IFT56: variants seen among roughly 807,000 people sequenced by gnomAD.
IFT56 encodes the protein intraflagellar transport protein 56.
the IFT56 span, among the ~76,000 whole-genome samples, chr7:139,142,706 C>G: frequency 4.6e-5 from 7 of 152,238 alleles, no homozygotes; most frequent in African/African-American, 1.7e-4. Flanking sequence ...GTGGCACACC[C>G]CTTTAATCCC....
the IFT56 span, chr7:139,142,454 G>A: frequency 2.8e-6 from 2 of 707,686 alleles, no homozygotes; most frequent in African/African-American, 3.6e-5. Flanking sequence ...TAATTGTATA[G>A]GATTTTCTCC....
the IFT56 span, among the ~76,000 whole-genome samples, chr7:139,160,108 G>T: frequency 1.1e-4 from 17 of 152,176 alleles, no homozygotes; most frequent in African/African-American, 4.1e-4. Context: ...GACAAGAGAA[G>T]AGTGATAAAA....
chr7:139,139,720 G>A, the IFT56 span, among the ~76,000 whole-genome samples: 1 of 152,178 alleles, frequency 6.6e-6, no homozygotes, highest in South Asian at 2.1e-4. Flanking sequence ...GTAGGACTGA[G>A]CTTTAGCTTC....
the IFT56 span, chr7:139,181,004 C>G: frequency 8.5e-5 from 69 of 807,412 alleles, no homozygotes; most frequent in African/African-American, 1.4e-4. Flanking sequence ...GAATATAGAA[C>G]CAAATCCATA....
chr7:139,159,988 C>T, the IFT56 span, among the ~76,000 whole-genome samples: 1 of 151,884 alleles, frequency 6.6e-6, no homozygotes, highest in African/African-American at 2.4e-5. Flanking sequence ...CCCGCATAAA[C>T]AAAAATTATT....
chr7:139,160,085 GA>G, the IFT56 span, among the ~76,000 whole-genome samples: 1 of 152,064 alleles, frequency 6.6e-6, no homozygotes, highest in Admixed American at 6.6e-5. Context: ...CAAAATTTTG[GA>G]ATTGTACTGT....
chr7:139,186,357 T>A, the IFT56 span, among the ~76,000 whole-genome samples: 1 of 151,788 alleles, frequency 6.6e-6, no homozygotes, highest in Non-Finnish European at 1.5e-5. Context: ...GCCCAGGAAT[T>A]TGAGGTCACA....
the IFT56 span, among the ~76,000 whole-genome samples, chr7:139,157,586 C>A: frequency 1.3e-5 from 2 of 149,110 alleles, no homozygotes; most frequent in Non-Finnish European, 3.0e-5. Context: ...TTACTATAAC[C>A]TCTGCCTTCC....
At chr7:139,177,031 G>A in the IFT56 span, among the ~76,000 whole-genome samples, 3 of 151,848 alleles carry the variant, frequency 2.0e-5, no homozygotes, top group African/African-American at 7.3e-5. Flanking sequence ...AATTAACCAG[G>A]TGTGGTGGTG....
At chr7:139,185,397 C>A in the IFT56 span, among the ~76,000 whole-genome samples, 1 of 151,942 alleles carries the variant, frequency 6.6e-6, no homozygotes, top group South Asian at 2.1e-4. Flanking sequence ...GTACACATGA[C>A]CTCTGTCCTA....
the IFT56 span, among the ~76,000 whole-genome samples, chr7:139,145,742 T>G: frequency 6.6e-6 from 1 of 152,138 alleles, no homozygotes; most frequent in African/African-American, 2.4e-5. Flanking sequence ...TCAGTAGTTT[T>G]TAAGATTTTC....
chr7:139,182,620 C>G, the IFT56 span, among the ~76,000 whole-genome samples: 1 of 151,924 alleles, frequency 6.6e-6, no homozygotes, highest in African/African-American at 2.4e-5. Context: ...AGAAGTTAAC[C>G]GTAGTTAGTG....
chr7:139,163,518 C>A, the IFT56 span, among the ~76,000 whole-genome samples: 1 of 152,014 alleles, frequency 6.6e-6, no homozygotes, highest in South Asian at 2.1e-4. Context: ...ATGCTGAGAG[C>A]AGAAGCCAAT....
At chr7:139,148,075 C>A in the IFT56 span, 1 of 729,086 alleles carries the variant, frequency 1.4e-6, no homozygotes, top group Non-Finnish European at 2.2e-6. Context: ...TTATACTGAT[C>A]ATATCTTGCC....
the IFT56 span, chr7:139,172,821 C>T: frequency 9.1e-6 from 6 of 658,218 alleles, no homozygotes; most frequent in Admixed American, 1.1e-4. Context: ...TAGTTTTTCT[C>T]CCTTCAAAGC....
the IFT56 span, among the ~76,000 whole-genome samples, chr7:139,145,858 T>A: frequency 3.9e-4 from 60 of 152,318 alleles, no homozygotes; most frequent in African/African-American, 1.4e-3. Flanking sequence ...GTGTTTTTCT[T>A]CTGATTACAA....
the IFT56 span, among the ~76,000 whole-genome samples, chr7:139,165,497 T>C: frequency 6.6e-6 from 1 of 152,174 alleles, no homozygotes; most frequent in African/African-American, 2.4e-5. Context: ...ATCCATTCTT[T>C]CTTTTTCATT....
At chr7:139,169,290 G>A in the IFT56 span, 1 of 1,613,770 alleles carries the variant, frequency 6.2e-7, no homozygotes, top group Non-Finnish European at 8.5e-7. Context: ...GTTTTTCAGA[G>A]GGATCATATG....
chr7:139,161,927 T>C, the IFT56 span, among the ~76,000 whole-genome samples: 2 of 152,204 alleles, frequency 1.3e-5, no homozygotes, highest in Non-Finnish European at 2.9e-5. Context: ...TGGATAATTA[T>C]GGGTTACATA....
Sources: gnomAD v4.1 joint callset for allele counts (sites outside exome capture counted in the v4.1 genomes callset) on GRCh38, gnomAD v4.1.1 for gene constraint, MANE v1.5 for transcripts, NCBI Gene and HGNC (gene_info 2026-07-23, HGNC 2026-07-21) for gene names.